CYP39A1: variants seen among roughly 807,000 people sequenced by gnomAD.
The protein encoded by CYP39A1 is cytochrome P450 family 39 subfamily A member 1, also known as 24-hydroxycholesterol 7-alpha-hydroxylase.
Under a neutral mutation model 58.1 loss-of-function variants are expected in CYP39A1, and 49 were observed. The ratio of observed to expected loss-of-function variants is 0.84; its 90% CI spans 0.67 to 1.07. The LOEUF (loss-of-function observed/expected upper bound fraction) is 1.07. Among genes scored for constraint, CYP39A1 ranks in the 50% least tolerant of loss-of-function variants. CYP39A1 has a pLI of 0.00. For missense variants in CYP39A1, 531 were observed against 539.4 expected, an observed-to-expected ratio of 0.98 and a Z score of 0.16; for synonymous variants, 209 against 187.6, an observed-to-expected ratio of 1.11 and a Z score of -0.93.
At chr6:46,617,223 G>A (rs1210280975) in intron 7 of CYP39A1, among the ~76,000 whole-genome samples, 5 of 152,172 alleles carry the variant, frequency 3.3e-5, no homozygotes, top group Admixed American at 6.6e-5. Context: ...CAAAAATGAG[G>A]TGAATGGCTT....
chr6:46,582,804 T>C (rs917149732), intron 10 of CYP39A1, among the ~76,000 whole-genome samples: 1 of 152,042 alleles, frequency 6.6e-6, no homozygotes, highest in Non-Finnish European at 1.5e-5. Context: ...GGTGGGAATA[T>C]AACATCCTAA....
At chr6:46,572,992 G>A (rs1223497046) in intron 10 of CYP39A1, among the ~76,000 whole-genome samples, 2 of 151,680 alleles carry the variant, frequency 1.3e-5, no homozygotes, top group Admixed American at 6.6e-5. Context: ...TCAGCTCCAG[G>A]ATTTATGTTT....
rs796673980 is a variant in CYP39A1 at position 46,557,951 on chromosome 6, A to G, written c.1251-4097T>C. On this transcript the variant is annotated intron_variant, in intron 10 of 11. Coordinates refer to ENST00000275016, the MANE Select transcript of CYP39A1 (RefSeq NM_016593.5). ...TCCATCTCAAAAAAAAAAAAAAAAA[A>G]AAAGAAAAAAAGAAAAAGAAAATCA... is the stretch of plus-strand genomic sequence containing the variant. Among the ~76,000 whole-genome samples the G allele has an allele frequency of 9.3e-5, 14 of 150,548 alleles. No homozygotes were observed. The South Asian group carries it at 2.3e-3, about 25-fold the overall frequency.
chr6:46,602,952 G>T (rs898485019), intron 7 of CYP39A1, among the ~76,000 whole-genome samples: 1 of 147,548 alleles, frequency 6.8e-6, no homozygotes. Flanking sequence ...TTCTTCTTCT[G>T]AACAATAAAA....
intron 7 of CYP39A1, among the ~76,000 whole-genome samples, chr6:46,621,545 C>T (rs900585581): frequency 2.6e-5 from 4 of 151,910 alleles, no homozygotes; most frequent in Admixed American, 2.6e-4. Flanking sequence ...AAATTTTATA[C>T]CAACAAATTA....
intron 10 of CYP39A1, among the ~76,000 whole-genome samples, chr6:46,574,974 A>T (rs1192889854): frequency 1.3e-5 from 2 of 152,008 alleles, no homozygotes; most frequent in African/African-American, 4.8e-5. Flanking sequence ...AGTGGACACA[A>T]AAAGGACACA....
intron 7 of CYP39A1, among the ~76,000 whole-genome samples, chr6:46,623,888 C>T (rs1582424556): frequency 6.6e-6 from 1 of 152,004 alleles, no homozygotes; most frequent in Non-Finnish European, 1.5e-5. Context: ...AGTTTGATGT[C>T]TTTCATAAAT....
intron 1 of CYP39A1, among the ~76,000 whole-genome samples, chr6:46,649,346 C>T (rs532641104): frequency 6.6e-6 from 1 of 152,328 alleles, no homozygotes; most frequent in African/African-American, 2.4e-5. Context: ...ACAGAAGTAA[C>T]ATCAGATCAC....
chr6:46,586,982 A>G, intron 10 of CYP39A1, 95 bp downstream of exon 10: 3 of 775,352 alleles, frequency 3.9e-6, no homozygotes, highest in South Asian at 1.6e-5. Context: ...TAGTTTAAAT[A>G]TATATATAAA....
chr6:46,588,832 T>C (rs1772638714), intron 8 of CYP39A1, among the ~76,000 whole-genome samples: 1 of 152,156 alleles, frequency 6.6e-6, no homozygotes, highest in African/African-American at 2.4e-5. Context: ...ATGTGTTTCC[T>C]CAGGTAGTCT....
At chr6:46,594,954 T>C (rs937744860) in intron 8 of CYP39A1, among the ~76,000 whole-genome samples, 1 of 151,414 alleles carries the variant, frequency 6.6e-6, no homozygotes. Flanking sequence ...CTTAAACAAC[T>C]CACTAGTAAA....
At chr6:46,612,600 T>G (rs1774280875) in intron 7 of CYP39A1, among the ~76,000 whole-genome samples, 1 of 152,242 alleles carries the variant, frequency 6.6e-6, no homozygotes, top group African/African-American at 2.4e-5. Flanking sequence ...CAAAGGTAAA[T>G]GAGGCTATGT....
At chr6:46,614,108 T>C (rs1774389979) in intron 7 of CYP39A1, among the ~76,000 whole-genome samples, 1 of 152,140 alleles carries the variant, frequency 6.6e-6, no homozygotes, top group East Asian at 1.9e-4. Context: ...TGATACTAAA[T>C]AGCTTAATGT....
intron 4 of CYP39A1, among the ~76,000 whole-genome samples, chr6:46,636,906 C>T (rs1014818692): frequency 6.6e-6 from 1 of 152,118 alleles, no homozygotes; most frequent in Non-Finnish European, 1.5e-5. Flanking sequence ...GAATGGTCTA[C>T]GTAGGCTATG....
At chr6:46,604,991 T>C (rs1214919094) in intron 7 of CYP39A1, among the ~76,000 whole-genome samples, 2 of 149,508 alleles carry the variant, frequency 1.3e-5, no homozygotes, top group Admixed American at 6.7e-5. Context: ...ACACTAACAA[T>C]AGCTGATGAG....
chr6:46,577,985 T>C (rs1397269850), intron 10 of CYP39A1, among the ~76,000 whole-genome samples: 4 of 152,094 alleles, frequency 2.6e-5, no homozygotes, highest in Non-Finnish European at 5.9e-5. Flanking sequence ...ATTATCCTCA[T>C]ATGCACATGG....
At chr6:46,595,162 T>C (rs1401610641) in intron 8 of CYP39A1, among the ~76,000 whole-genome samples, 1 of 151,698 alleles carries the variant, frequency 6.6e-6, no homozygotes, top group African/African-American at 2.4e-5. Flanking sequence ...TGAAAGATAA[T>C]TGTGGAAGAG....
In CYP39A1 at chr6:46,564,138, CTATTCTATTTTATTCTATTT is replaced by C. The variant is rs1266421650; in HGVS notation, c.1251-10304_1251-10285del. Among the ~76,000 whole-genome samples, 80 of 118,964 alleles carry C rather than the reference CTATTCTATTTTATTCTATTT, an allele frequency of 6.7e-4. 1 individual carries two copies. The highest frequency in any genetic ancestry group is 1.1e-3 in the Non-Finnish European group (67 of 63,560). 78.0% of individuals were successfully genotyped at this position (118,964 alleles called of 152,430 possible). ...TTATTCTATTTTATTCTATTTTATT[CTATTCTATTTTATTCTATTT>C]TATTCTATTTTATTCTATTTTATTC... On this transcript the variant is annotated intron_variant, in intron 10 of 11. Coordinates refer to ENST00000275016, the MANE Select transcript of CYP39A1 (RefSeq NM_016593.5).
intron 7 of CYP39A1, among the ~76,000 whole-genome samples, chr6:46,602,689 CAAAAAAAAAA>C (rs35833432): frequency 2.1e-5 from 1 of 46,894 alleles, no homozygotes; most frequent in African/African-American, 8.2e-5. Flanking sequence ...GTGCACGTCT[CAAAAAAAAAA>C]AAAAAAAAAA....
Sources: gnomAD v4.1 joint callset for allele counts (sites outside exome capture counted in the v4.1 genomes callset) on GRCh38, gnomAD v4.1.1 for gene constraint, MANE v1.5 for transcripts, NCBI Gene and HGNC (gene_info 2026-07-23, HGNC 2026-07-21) for gene names.